UPF3A: variants seen among roughly 807,000 people sequenced by gnomAD.
UPF3A encodes the protein regulator of nonsense transcripts 3A.
Under a neutral mutation model 53.5 loss-of-function variants are expected in UPF3A, and 42 were observed. The ratio of observed to expected loss-of-function variants is 0.78; its 90% confidence interval spans 0.61 to 1.01. The LOEUF is 1.01. Ranked by LOEUF, UPF3A falls within the 50% of genes least tolerant of loss-of-function variation. The pLI, the probability that UPF3A is intolerant of heterozygous loss-of-function variation, is 0.00. For missense variants in UPF3A, 575 were observed against 598.0 expected, an observed-to-expected ratio of 0.96 and a Z score of 0.40; for synonymous variants, 237 against 225.3, an observed-to-expected ratio of 1.05 and a Z score of -0.47.
At chr13:114,284,026 GCTCATTT>G (rs1440549463) in intron 3 of UPF3A, 1 of 985,378 alleles carries the variant, frequency 1.0e-6, no homozygotes. Flanking sequence ...TGTGTTCATT[GCTCATTT>G]ATTCAGTAAC....
intron 7 of UPF3A, among the ~76,000 whole-genome samples, chr13:114,294,098 A>AT (rs1350148565): frequency 6.6e-6 from 1 of 152,114 alleles, no homozygotes; most frequent in Non-Finnish European, 1.5e-5. Context: ...TTAGCTTTTA[A>AT]TAAGTATCTG....
At position 114,297,232 on chromosome 13, in the gene UPF3A, T is replaced by C. The variant is rs1346778666; in HGVS notation, c.847-1608T>C. Reference sequence around the variant, plus strand: ...GTCTGTGGTGCTTCCGTTTTTTTTTTTTTTCTCCCTTTTCTCAAGTTAGCT... The same window carrying C: ...GTCTGTGGTGCTTCCGTTTTTTTTTCTTTTCTCCCTTTTCTCAAGTTAGCT... On this transcript the variant is annotated intron_variant, in intron 7 of 9. Transcript: ENST00000375299. 3.3e-5 allele frequency among the ~76,000 whole-genome samples: 5 copies of C among 151,992 alleles called. No individual in the cohort carries two copies. In the East Asian group the frequency reaches 7.7e-4, roughly 23 times the overall value.
intron 7 of UPF3A, among the ~76,000 whole-genome samples, chr13:114,294,279 G>C (rs534214801): frequency 4.0e-5 from 6 of 150,930 alleles, no homozygotes; most frequent in Admixed American, 1.3e-4. Flanking sequence ...TTGGTGGGGG[G>C]GGGGTTTGAG....
At chr13:114,289,809 C>A (rs1341973491) in intron 5 of UPF3A, among the ~76,000 whole-genome samples, 1 of 152,182 alleles carries the variant, frequency 6.6e-6, no homozygotes, top group Non-Finnish European at 1.5e-5. Flanking sequence ...AAATAACATA[C>A]TTTTATGATG....
At chr13:114,296,980 T>C (rs922553541) in intron 7 of UPF3A, among the ~76,000 whole-genome samples, 1 of 152,184 alleles carries the variant, frequency 6.6e-6, no homozygotes, top group Non-Finnish European at 1.5e-5. Flanking sequence ...AGGAAATGTT[T>C]AAGTTCCCAG....
At chr13:114,295,705 C>T in intron 7 of UPF3A, among the ~76,000 whole-genome samples, 1 of 152,198 alleles carries the variant, frequency 6.6e-6, no homozygotes, top group Non-Finnish European at 1.5e-5. Context: ...CTGTTCACAG[C>T]ATTCCCCCTT....
intron 9 of UPF3A, among the ~76,000 whole-genome samples, chr13:114,303,681 G>A (rs529749877): frequency 6.6e-6 from 1 of 152,144 alleles, no homozygotes; most frequent in African/African-American, 2.4e-5. Flanking sequence ...AGCTACTCAG[G>A]AGGCTGAGGC....
At chr13:114,299,926 C>A (rs2086438876) in intron 8 of UPF3A, among the ~76,000 whole-genome samples, 1 of 152,218 alleles carries the variant, frequency 6.6e-6, no homozygotes, top group South Asian at 2.1e-4. Context: ...TTTCTCACTG[C>A]CTTTCGTTCA....
intron 5 of UPF3A, chr13:114,287,573 G>A (rs1350961180): frequency 1.3e-5 from 2 of 152,108 alleles, no homozygotes; most frequent in African/African-American, 4.8e-5. Flanking sequence ...CCTGGTGACA[G>A]AGCGAGACTC....
Position 114,282,898 on chromosome 13 carries a change from C to A in UPF3A, c.376C>A (p.Leu126Ile), listed in dbSNP as rs1279173098. 1 of 1,612,290 alleles carries A rather than the reference C, an allele frequency of 6.2e-7. No homozygotes were observed. The highest frequency in any genetic ancestry group is 8.5e-7 in the Non-Finnish European group (1 of 1,179,100). The part of the protein sequence containing the change: ...INFRNPDDIL[L>I]FRDRFDGYIF... ...TTTTAGGAATCCTGATGACATCCTT[C>A]TTTTTAGAGATCGTTTTGATGGATA... is the stretch of plus-strand genomic sequence containing the variant. The change falls in exon 3 of 10, where the codon CTT becomes ATT. Residue 126 changes from leucine to isoleucine, a missense_variant. This residue lies in a region of UPF3A where 252 missense variants were observed against 182.7 expected (regional missense o/e 1.38). Coordinates refer to ENST00000375299, the MANE Select transcript of UPF3A (RefSeq NM_023011.4).
chr13:114,305,125 C>T lies in UPF3A; in HGVS notation c.*208C>T. 1 of 547,274 alleles carries T rather than the reference C, an allele frequency of 1.8e-6. No homozygotes were observed. Among genetic ancestry groups the T allele is most frequent in the South Asian group, 2.0e-5 (1 of 50,352 alleles). The allele number at this position is 547,274 out of a possible 1,614,324, so 33.9% of individuals were successfully genotyped here. A position where few individuals can be genotyped will look rare whatever the true frequency, so the allele number is the denominator to read the frequency against. On this transcript the variant is annotated 3_prime_UTR_variant, in exon 10 of 10. Coordinates refer to ENST00000375299, the MANE Select transcript of UPF3A (RefSeq NM_023011.4). ...TGAGCAGAATTCTCACAGATTTTAC[C>T]ATTCCTGTTATAAACTAGTATTTGT...
At chr13:114,300,706 A>G (rs1314753485) in intron 8 of UPF3A, among the ~76,000 whole-genome samples, 1 of 151,976 alleles carries the variant, frequency 6.6e-6, no homozygotes, top group African/African-American at 2.4e-5. Context: ...TGCCTGGCTA[A>G]TTTTGTATTT....
chr13:114,294,281 G>GC (rs201412058), intron 7 of UPF3A, among the ~76,000 whole-genome samples: 2,558 of 151,234 alleles, frequency 0.017, 77 homozygotes, highest in African/African-American at 0.059. Context: ...GGTGGGGGGG[G>GC]GGTTTGAGAC....
In UPF3A at chr13:114,281,795, C is replaced by T. The variant is rs1001415793; in HGVS notation, c.156C>T (p.Cys52=). Reference sequence around the variant, plus strand: ...CGCCGCCAACTTCGTCCTCCGGTTGCGGGGGCGGTGCGGGCAAACCTCGCG... The same window carrying T: ...CGCCGCCAACTTCGTCCTCCGGTTGTGGGGGCGGTGCGGGCAAACCTCGCG... The part of the protein sequence containing the change: ...AETPPTSSSG[C]GGGAGKPREE... The change falls in exon 1 of 10, where the codon TGC becomes TGT. Residue 52 remains cysteine (C), a synonymous_variant. Coordinates refer to ENST00000375299, the MANE Select transcript of UPF3A (RefSeq NM_023011.4). The T allele has an allele frequency of 3.2e-6, 5 of 1,552,668 alleles. No homozygotes were observed. The Admixed American group carries it at 5.8e-5, about 18-fold the overall frequency.
At chr13:114,300,660 C>G (rs1297817460) in intron 8 of UPF3A, among the ~76,000 whole-genome samples, 1 of 152,174 alleles carries the variant, frequency 6.6e-6, no homozygotes, top group Non-Finnish European at 1.5e-5. Flanking sequence ...CTGCCTCAGC[C>G]TCCTGAGTAG....
At chr13:114,295,300 G>T (rs2085779236) in intron 7 of UPF3A, among the ~76,000 whole-genome samples, 2 of 152,128 alleles carry the variant, frequency 1.3e-5, no homozygotes, top group Admixed American at 1.3e-4. Context: ...GGGCGTGGCA[G>T]AGCTGGCCTG....
chr13:114,295,748 C>CA (rs1346155134), intron 7 of UPF3A, among the ~76,000 whole-genome samples: 1 of 152,242 alleles, frequency 6.6e-6, no homozygotes, highest in Admixed American at 6.5e-5. Context: ...GCATCAGGCG[C>CA]AAGTTCCTTC....
intron 9 of UPF3A, among the ~76,000 whole-genome samples, chr13:114,302,914 C>A (rs1464563810): frequency 6.6e-6 from 1 of 152,050 alleles, no homozygotes; most frequent in Non-Finnish European, 1.5e-5. Context: ...CCAGCCTGGC[C>A]AACATGGCGA....
chr13:114,292,355 G>A (rs1242075423), intron 7 of UPF3A, among the ~76,000 whole-genome samples: 2 of 148,738 alleles, frequency 1.3e-5, no homozygotes, highest in African/African-American at 5.0e-5. Flanking sequence ...TTCGGCTCAA[G>A]GCGTACACGT....
Sources: gnomAD v4.1 joint callset for allele counts (sites outside exome capture counted in the v4.1 genomes callset) on GRCh38, gnomAD v4.1.1 for gene constraint, gnomAD v4.1.1 regional missense constraint, MANE v1.5 for transcripts, NCBI Gene and HGNC (gene_info 2026-07-23, HGNC 2026-07-21) for gene names.